The following ZFHX3 variants were observed in gnomAD, a reference collection of about 807,000 sequenced individuals.
ZFHX3 encodes the protein zinc finger homeobox 3, also known as zinc finger homeobox protein 3.
Under a neutral mutation model 279.1 loss-of-function variants are expected in ZFHX3, and 42 were observed. That is an observed-to-expected ratio of 0.15 (90% CI 0.12 to 0.19). The LOEUF (loss-of-function observed/expected upper bound fraction) is 0.19. ZFHX3 is among the 10% of genes least tolerant of loss of function. The pLI is 1.00. For synonymous variants in ZFHX3, 2,293 were observed against 1,957.8 expected (o/e 1.17, Z -4.52); for missense variants, 4,981 against 4,754.0 (o/e 1.05, Z -1.40).
chr16:73,257,457 G>A (rs1004666507), intron 4 of ZFHX3, among the ~76,000 whole-genome samples: 2 of 152,198 alleles, frequency 1.3e-5, no homozygotes, highest in Non-Finnish European at 2.9e-5. Context: ...GAAGCTCTGA[G>A]AACTTCTGAC....
intron 2 of ZFHX3, among the ~76,000 whole-genome samples, chr16:73,578,688 C>T (rs896830358): frequency 2.0e-5 from 3 of 152,118 alleles, no homozygotes; most frequent in Admixed American, 2.0e-4. Context: ...CAGATTCCCA[C>T]TCTACTCGTT....
At chr16:73,405,116 T>A (rs1433395968) in intron 3 of ZFHX3, among the ~76,000 whole-genome samples, 1 of 152,168 alleles carries the variant, frequency 6.6e-6, no homozygotes, top group Non-Finnish European at 1.5e-5. Context: ...GAAGGAAACT[T>A]TTAATCCTCA....
chr16:73,462,516 T>C (rs1439123376), intron 2 of ZFHX3, among the ~76,000 whole-genome samples: 1 of 152,156 alleles, frequency 6.6e-6, no homozygotes, highest in African/African-American at 2.4e-5. Flanking sequence ...AAGTGTTCAG[T>C]CTTTTATCAT....
chr16:73,377,158 G>A (rs909895978), intron 3 of ZFHX3, among the ~76,000 whole-genome samples: 1 of 152,034 alleles, frequency 6.6e-6, no homozygotes, highest in Non-Finnish European at 1.5e-5. Context: ...TTTTAGTAGA[G>A]ACACGGTTTC....
At chr16:72,807,548 A>G (rs1308510412) in intron 7 of ZFHX3, 1 of 152,232 alleles carries the variant, frequency 6.6e-6, no homozygotes, top group Admixed American at 6.5e-5. Flanking sequence ...AAGCTGTCTG[A>G]TAAGGTATTA....
chr16:73,751,166 G>A (rs1245911065), intron 1 of ZFHX3, among the ~76,000 whole-genome samples: 1 of 152,204 alleles, frequency 6.6e-6, no homozygotes, highest in Non-Finnish European at 1.5e-5. Context: ...GAGGACCTCT[G>A]GGAAGAACCC....
chr16:73,435,986 C>T (rs907757577), intron 3 of ZFHX3, among the ~76,000 whole-genome samples: 1 of 152,108 alleles, frequency 6.6e-6, no homozygotes, highest in African/African-American at 2.4e-5. Flanking sequence ...CTGTTTTAGT[C>T]CGTTTTCTCA....
chr16:73,439,059 C>T (rs773701513), intron 3 of ZFHX3, among the ~76,000 whole-genome samples: 2 of 152,172 alleles, frequency 1.3e-5, no homozygotes, highest in Admixed American at 6.5e-5. Flanking sequence ...CAGGATACAA[C>T]CTGGGGGGTT....
At chr16:73,760,044 C>A (rs2053848042) in intron 1 of ZFHX3, among the ~76,000 whole-genome samples, 1 of 149,442 alleles carries the variant, frequency 6.7e-6, no homozygotes. Flanking sequence ...AAACAGACAA[C>A]TGGCTAGATG....
At chr16:73,862,086 G>T (rs189184240) in intron 1 of ZFHX3, among the ~76,000 whole-genome samples, 48 of 152,282 alleles carry the variant, frequency 3.2e-4, no homozygotes, top group African/African-American at 1.0e-3. Flanking sequence ...TTTAGGGAGA[G>T]ACCAAGTGCT....
chr16:73,281,553 G>T (rs1477819689), intron 4 of ZFHX3, among the ~76,000 whole-genome samples: 1 of 152,150 alleles, frequency 6.6e-6, no homozygotes, highest in Non-Finnish European at 1.5e-5. Flanking sequence ...CTGTGCCTGT[G>T]CCTATAGCTA....
chr16:73,384,463 A>T (rs1411653997), intron 3 of ZFHX3, among the ~76,000 whole-genome samples: 1 of 152,240 alleles, frequency 6.6e-6, no homozygotes, highest in Non-Finnish European at 1.5e-5. Flanking sequence ...TTAGTCTTGG[A>T]GACACCCTTT....
Position 73,538,114 on chromosome 16 carries a change from T to C in ZFHX3, c.-1546-81856A>G, listed in dbSNP as rs1474735916. Among the ~76,000 whole-genome samples the C allele has an allele frequency of 2.0e-5, 3 of 152,322 alleles. No individual in the cohort carries two copies. In the East Asian group the frequency reaches 5.8e-4, roughly 29 times the overall value. On this transcript the variant is annotated intron_variant, in intron 2 of 17. Transcript: ENST00000641206. ...ATATAAGAACATTCTGAGCAATGAATATGAGCAGCAAGTCATCACGCAGCA... is the reference window on the plus strand; with the variant it reads ...ATATAAGAACATTCTGAGCAATGAACATGAGCAGCAAGTCATCACGCAGCA...
chr16:73,720,211 G>T (rs561408058), intron 1 of ZFHX3, among the ~76,000 whole-genome samples: 1 of 152,106 alleles, frequency 6.6e-6, no homozygotes, highest in Non-Finnish European at 1.5e-5. Context: ...TTGTGGACAC[G>T]GGCTTTAGGG....
intron 5 of ZFHX3, among the ~76,000 whole-genome samples, chr16:73,160,432 C>T (rs554911583): frequency 7.9e-5 from 12 of 152,334 alleles, no homozygotes; most frequent in African/African-American, 2.9e-4. Flanking sequence ...CAGTGTTTCT[C>T]ATTCTAGCTA....
intron 2 of ZFHX3, among the ~76,000 whole-genome samples, chr16:73,478,466 A>T (rs2018808628): frequency 6.6e-6 from 1 of 152,146 alleles, no homozygotes; most frequent in Non-Finnish European, 1.5e-5. Context: ...ATAATCTGTG[A>T]CACATCCAAA....
chr16:73,662,735 C>T (rs1031497902), intron 2 of ZFHX3, among the ~76,000 whole-genome samples: 1 of 152,108 alleles, frequency 6.6e-6, no homozygotes, highest in East Asian at 1.9e-4. Context: ...GCCTGCAATT[C>T]AAGGCGAAAA....
chr16:73,539,893 G>A (rs765308644), intron 2 of ZFHX3, among the ~76,000 whole-genome samples: 1 of 152,100 alleles, frequency 6.6e-6, no homozygotes, highest in Non-Finnish European at 1.5e-5. Context: ...ATTGCTTTTC[G>A]ACGCCCAGTA....
At chr16:72,967,523 A>G (rs1961901245) in intron 1 of ZFHX3, among the ~76,000 whole-genome samples, 1 of 145,098 alleles carries the variant, frequency 6.9e-6, no homozygotes, top group South Asian at 2.1e-4. Flanking sequence ...TAAACGTAGA[A>G]AAAGAGTATG....
Sources: allele counts gnomAD v4.1 joint callset (sites outside exome capture counted in the v4.1 genomes callset), GRCh38; gene constraint gnomAD v4.1.1; transcripts MANE v1.5; gene names NCBI Gene and HGNC (gene_info 2026-07-23, HGNC 2026-07-21).